The following TMEM132D variants were observed in gnomAD, a reference collection of about 807,000 sequenced individuals.
TMEM132D encodes transmembrane protein 132D, also known as mature OL transmembrane protein.
In TMEM132D, 21 loss-of-function variants were observed where a neutral mutation model predicts 62.3. The ratio of observed to expected loss-of-function variants is 0.34; its 90% confidence interval spans 0.24 to 0.49. TMEM132D has a LOEUF of 0.49. Ranked by LOEUF, TMEM132D falls within the 20% of genes least tolerant of loss-of-function variation. The pLI, the probability that TMEM132D is intolerant of heterozygous loss-of-function variation, is 0.99. For missense variants in TMEM132D, 1,346 were observed against 1,402.8 expected, an observed-to-expected ratio of 0.96 and a Z score of 0.65; for synonymous variants, 621 against 575.6, an observed-to-expected ratio of 1.08 and a Z score of -1.13.
chr12:129,600,019 G>A (rs1039957114), intron 2 of TMEM132D, among the ~76,000 whole-genome samples: 19 of 152,238 alleles, frequency 1.2e-4, no homozygotes, highest in Non-Finnish European at 1.6e-4. Context: ...CAATGGACTC[G>A]TCTTTTGACA....
intron 5 of TMEM132D, chr12:129,085,859 C>T (rs1874601081): frequency 6.6e-6 from 1 of 152,280 alleles, no homozygotes; most frequent in Non-Finnish European, 1.5e-5. Context: ...CTTGTCTTGT[C>T]TCCTAGCTTT....
chr12:129,742,810 A>G (rs1000045014), intron 1 of TMEM132D, among the ~76,000 whole-genome samples: 1 of 152,162 alleles, frequency 6.6e-6, no homozygotes, highest in Non-Finnish European at 1.5e-5. Context: ...GATTGGCTCC[A>G]TCCCTGTGAT....
At chr12:129,791,424 C>A (rs1871397640) in intron 1 of TMEM132D, among the ~76,000 whole-genome samples, 1 of 152,120 alleles carries the variant, frequency 6.6e-6, no homozygotes, top group Non-Finnish European at 1.5e-5. Flanking sequence ...CATGTTTCAT[C>A]TTTTTAAGAT....
At chr12:129,321,018 C>T (rs1241938336) in intron 4 of TMEM132D, among the ~76,000 whole-genome samples, 1 of 152,164 alleles carries the variant, frequency 6.6e-6, no homozygotes, top group East Asian at 1.9e-4. Context: ...TCTCTGTATA[C>T]ATAACATTTA....
intron 5 of TMEM132D, among the ~76,000 whole-genome samples, chr12:129,134,634 A>T (rs1385580789): frequency 6.6e-6 from 1 of 152,160 alleles, no homozygotes; most frequent in Non-Finnish European, 1.5e-5. Context: ...TAATTAAAAA[A>T]CTGAAGATCC....
chr12:129,659,522 A>T (rs901545427), intron 2 of TMEM132D, among the ~76,000 whole-genome samples: 18 of 152,188 alleles, frequency 1.2e-4, no homozygotes, highest in Non-Finnish European at 5.9e-5. Context: ...AGCATAAGAG[A>T]GTAGTCAGTT....
intron 2 of TMEM132D, among the ~76,000 whole-genome samples, chr12:129,550,022 T>C (rs1382113137): frequency 6.6e-6 from 1 of 152,170 alleles, no homozygotes; most frequent in African/African-American, 2.4e-5. Flanking sequence ...TCTTTCCTGT[T>C]AGGATATAAA....
In TMEM132D at chr12:129,294,923, T is replaced by C. The variant is rs532683596; in HGVS notation, c.1299+42711A>G. ...AATCATTTCCTATTGTGATGGTTCA[T>C]TGTGTGTATCAGCTGGCCTGGGCCA... is the stretch of plus-strand genomic sequence containing the variant. On this transcript the variant is annotated intron_variant, in intron 4 of 8. Coordinates refer to ENST00000422113, the MANE Select transcript of TMEM132D (RefSeq NM_133448.3). Among the ~76,000 whole-genome samples the C allele has an allele frequency of 1.6e-4, 25 of 152,360 alleles. No individual in the cohort carries two copies. The South Asian group carries it at 5.2e-3, about 32-fold the overall frequency.
chr12:129,151,503 C>A (rs1401549609), intron 5 of TMEM132D, among the ~76,000 whole-genome samples: 2 of 152,204 alleles, frequency 1.3e-5, no homozygotes, highest in Non-Finnish European at 2.9e-5. Context: ...TCAGTTCCAA[C>A]CTGCCATCGT....
chr12:129,400,707 G>T (rs1871596942), intron 3 of TMEM132D, among the ~76,000 whole-genome samples: 3 of 152,126 alleles, frequency 2.0e-5, no homozygotes, highest in African/African-American at 7.2e-5. Flanking sequence ...GATAAAAAGA[G>T]AGTTGTAAAA....
intron 2 of TMEM132D, among the ~76,000 whole-genome samples, chr12:129,536,605 G>A (rs554919859): frequency 3.3e-5 from 5 of 152,230 alleles, no homozygotes; most frequent in East Asian, 1.9e-4. Flanking sequence ...CCCTGCCCTC[G>A]CCAGCAGTTA....
chr12:129,572,826 T>C (rs1877556003), intron 2 of TMEM132D, among the ~76,000 whole-genome samples: 1 of 152,058 alleles, frequency 6.6e-6, no homozygotes, highest in Admixed American at 6.5e-5. Context: ...TAGATTCTTT[T>C]CCTTGGATTC....
At chr12:129,447,926 T>A (rs1873155349) in intron 3 of TMEM132D, among the ~76,000 whole-genome samples, 1 of 152,180 alleles carries the variant, frequency 6.6e-6, no homozygotes, top group South Asian at 2.1e-4. Context: ...TCTTTCAGCC[T>A]CCAGCAAACA....
At chr12:129,625,975 C>T (rs1879200971) in intron 2 of TMEM132D, among the ~76,000 whole-genome samples, 1 of 152,040 alleles carries the variant, frequency 6.6e-6, no homozygotes, top group Non-Finnish European at 1.5e-5. Flanking sequence ...GCATAGAATT[C>T]ACAGTAGCAG....
intron 1 of TMEM132D, among the ~76,000 whole-genome samples, chr12:129,868,631 T>A (rs1202204858): frequency 6.6e-6 from 1 of 152,196 alleles, no homozygotes; most frequent in African/African-American, 2.4e-5. Flanking sequence ...CCTGTACCCC[T>A]GTAAGCAGGT....
intron 1 of TMEM132D, among the ~76,000 whole-genome samples, chr12:129,750,075 T>C (rs1869948498): frequency 6.6e-6 from 1 of 152,104 alleles, no homozygotes; most frequent in African/African-American, 2.4e-5. Context: ...TGTCAGAGGA[T>C]GCCCTTTATT....
chr12:129,368,292 T>C (rs1870487150), intron 3 of TMEM132D, among the ~76,000 whole-genome samples: 1 of 152,094 alleles, frequency 6.6e-6, no homozygotes, highest in Non-Finnish European at 1.5e-5. Flanking sequence ...TATGTATATA[T>C]GCACACATCA....
At chr12:129,098,832 A>C (rs781402645) in intron 5 of TMEM132D, among the ~76,000 whole-genome samples, 52 of 152,264 alleles carry the variant, frequency 3.4e-4, no homozygotes, top group Non-Finnish European at 5.6e-4. Flanking sequence ...TTCCCTTGAC[A>C]TGCTGAACTG....
At chr12:129,542,763 T>C (rs1467604222) in intron 2 of TMEM132D, among the ~76,000 whole-genome samples, 1 of 152,152 alleles carries the variant, frequency 6.6e-6, no homozygotes, top group Non-Finnish European at 1.5e-5. Flanking sequence ...TGCACGACAT[T>C]TTAGTCATCA....
Sources: gnomAD v4.1 joint callset for allele counts (sites outside exome capture counted in the v4.1 genomes callset) on GRCh38, gnomAD v4.1.1 for gene constraint, MANE v1.5 for transcripts, NCBI Gene and HGNC (gene_info 2026-07-23, HGNC 2026-07-21) for gene names.